CNNM3: variants seen among roughly 807,000 people sequenced by gnomAD.
CNNM3 encodes cyclin and CBS domain divalent metal cation transport mediator 3.
In CNNM3, 47 loss-of-function variants were observed where a neutral mutation model predicts 57.1. The ratio of observed to expected loss-of-function variants is 0.82; its 90% CI spans 0.65 to 1.05. CNNM3 has a LOEUF of 1.05. CNNM3 is among the 50% of genes least tolerant of loss of function. CNNM3 has a pLI of 0.00. For synonymous variants in CNNM3, 507 were observed against 478.2 expected (o/e 1.06, Z -0.79); for missense variants, 957 against 973.7 (o/e 0.98, Z 0.23).
intron 1 of CNNM3, among the ~76,000 whole-genome samples, chr2:96,822,653 C>A (rs898731954): frequency 6.6e-6 from 1 of 152,190 alleles, no homozygotes; most frequent in Non-Finnish European, 1.5e-5. Flanking sequence ...TTCCTGTCTG[C>A]TGGGAGCCAG....
chr2:96,825,671 G>A (rs1329459260), intron 2 of CNNM3, among the ~76,000 whole-genome samples: 1 of 150,946 alleles, frequency 6.6e-6, no homozygotes, highest in African/African-American at 2.5e-5. Flanking sequence ...GGGAGGCCCA[G>A]GCAGGCAGAT....
chr2:96,828,200 G>T lies in CNNM3; in HGVS notation c.1786+5G>T. ...CCCTAACTGTGCCATCCTCGGGTAA[G>T]CCACGGCCCTGCTGATGCTGAGGGC... On this transcript the variant is annotated splice_donor_5th_base_variant and intron_variant, in intron 5 of 7. Transcript: ENST00000305510. 1 of 1,612,400 alleles carries T rather than the reference G, an allele frequency of 6.2e-7. No homozygotes were observed. Among genetic ancestry groups the T allele is most frequent in the Non-Finnish European group, 8.5e-7 (1 of 1,178,580 alleles).
chr2:96,827,852 C>T lies in CNNM3; in HGVS notation c.1641C>T (p.Tyr547=). Residue 547 remains tyrosine (Y), a synonymous_variant, in exon 4 of 8, where the codon TAC becomes TAT. Coordinates refer to ENST00000305510, the MANE Select transcript of CNNM3 (RefSeq NM_017623.5). ...DESNRLATHH[Y]LYQRSQPVDY... ...GCAACCGGCTGGCCACACACCACTA[C>T]CTGTACCAGCGCAGCCAGCCGGTGG... 6.2e-7 allele frequency: 1 copy of T among 1,614,170 alleles called. No individual in the cohort carries two copies. Among genetic ancestry groups the T allele is most frequent in the Admixed American group, 1.7e-5 (1 of 60,024 alleles).
intron 7 of CNNM3, among the ~76,000 whole-genome samples, chr2:96,830,025 A>G (rs1025656650): frequency 3.3e-5 from 5 of 152,292 alleles, no homozygotes; most frequent in African/African-American, 1.2e-4. Context: ...AGGTTGTGGG[A>G]TATGGAACCC....
rs1371934829 is a variant in CNNM3 at position 96,832,966 on chromosome 2, T to C, written c.*350T>C. On this transcript the variant is annotated 3_prime_UTR_variant, in exon 8 of 8. Transcript: ENST00000305510. ...TATTCAGATTCAGACCTCTTTGGGC[T>C]GAGCCACCTTGTGAGTGCAGTTACT... is the stretch of plus-strand genomic sequence containing the variant. The C allele has an allele frequency of 5.9e-6, 8 of 1,359,680 alleles. No individual in the cohort carries two copies. In the South Asian group the frequency reaches 9.8e-5, roughly 17 times the overall value. The allele number at this position is 1,359,680 out of a possible 1,614,324, so 84.2% of individuals were successfully genotyped here.
chr2:96,824,455 ATCTGTCTG>A (rs142200401), intron 1 of CNNM3: 1 of 154,860 alleles, frequency 6.5e-6, no homozygotes, highest in African/African-American at 2.4e-5. Flanking sequence ...CACACAGTCT[ATCTGTCTG>A]TCTGTCTATC....
chr2:96,832,408 C>G, intron 7 of CNNM3, 144 bp from the exon 8 acceptor site: 1 of 1,516,440 alleles, frequency 6.6e-7, no homozygotes, highest in African/African-American at 1.4e-5. Flanking sequence ...CCAGTCGCTC[C>G]TGTTTCTGCT....
chr2:96,822,603 C>T (rs1183764455), intron 1 of CNNM3, among the ~76,000 whole-genome samples: 2 of 152,172 alleles, frequency 1.3e-5, no homozygotes, highest in African/African-American at 4.8e-5. Context: ...TCCCACTGTG[C>T]CTGGCCGCAG....
intron 7 of CNNM3, among the ~76,000 whole-genome samples, chr2:96,831,476 A>C (rs533651822): frequency 3.3e-5 from 5 of 152,230 alleles, no homozygotes; most frequent in Admixed American, 6.5e-5. Context: ...GGGGTTGGCA[A>C]ATAGTGGTGC....
Position 96,816,836 on chromosome 2 carries a change from G to A in CNNM3, c.559G>A (p.Ala187Thr). 9.6e-7 allele frequency: 1 copy of A among 1,041,304 alleles called. No individual in the cohort carries two copies. Among genetic ancestry groups the A allele is most frequent in the Non-Finnish European group, 1.1e-6 (1 of 869,722 alleles). 64.5% of individuals were successfully genotyped at this position (1,041,304 alleles called of 1,614,324 possible). ...ERAAARRLEP[A>T]RRWAGCALGA... Reference sequence around the variant, plus strand: ...TGCGGCGGCGCGGCGTTTGGAGCCCGCGCGGCGCTGGGCCGGCTGCGCCTT... The same window carrying A: ...TGCGGCGGCGCGGCGTTTGGAGCCCACGCGGCGCTGGGCCGGCTGCGCCTT... The change falls in exon 1 of 8, where the codon GCG becomes ACG. Residue 187 changes from alanine (A) to threonine (T), a missense_variant. Physicochemically the swap from Ala to Thr is moderately conservative, Grantham distance 58. Coordinates refer to ENST00000305510, the MANE Select transcript of CNNM3 (RefSeq NM_017623.5).
intron 1 of CNNM3, among the ~76,000 whole-genome samples, chr2:96,823,854 C>T (rs530286924): frequency 6.6e-6 from 1 of 152,164 alleles, no homozygotes; most frequent in Non-Finnish European, 1.5e-5. Context: ...AGGCCGGCAG[C>T]CCCCTCCACC....
At position 96,833,270 on chromosome 2, in the gene CNNM3, GC is replaced by G. The variant is rs2079636831; in HGVS notation, c.*656del. 1 of 332,998 alleles carries G rather than the reference GC, an allele frequency of 3.0e-6. No individual in the cohort carries two copies. Among genetic ancestry groups the G allele is most frequent in the Admixed American group, 4.1e-5 (1 of 24,358 alleles). The allele number at this position is 332,998 out of a possible 1,614,324, so 20.6% of individuals were successfully genotyped here. On this transcript the variant is annotated 3_prime_UTR_variant, in exon 8 of 8. Coordinates refer to ENST00000305510, the MANE Select transcript of CNNM3 (RefSeq NM_017623.5). ...GCTGCTCTTCTGATTCTGAGAGCTGGCCTAGTGGTGCTGAGGGCCCCTTTCT... is the reference window on the plus strand; with the variant it reads ...GCTGCTCTTCTGATTCTGAGAGCTGGCTAGTGGTGCTGAGGGCCCCTTTCT...
intron 2 of CNNM3, among the ~76,000 whole-genome samples, chr2:96,826,098 C>G (rs2079499517): frequency 6.6e-6 from 1 of 152,246 alleles, no homozygotes; most frequent in Admixed American, 6.5e-5. Flanking sequence ...GTTCTTGAGA[C>G]TGCCATAGGC....
intron 1 of CNNM3, among the ~76,000 whole-genome samples, chr2:96,820,006 C>T (rs2079382982): frequency 6.6e-6 from 1 of 152,182 alleles, no homozygotes; most frequent in South Asian, 2.1e-4. Flanking sequence ...GCAGGATGTC[C>T]CCTGGCGGGG....
chr2:96,829,480 T>C (rs2079566099), intron 7 of CNNM3, among the ~76,000 whole-genome samples: 1 of 151,744 alleles, frequency 6.6e-6, no homozygotes, highest in Non-Finnish European at 1.5e-5. Context: ...TTTGTATTTT[T>C]AGTAGAGATG....
In CNNM3 at chr2:96,816,422, G is replaced by C. The variant is rs1574095401; in HGVS notation, c.145G>C (p.Val49Leu). ...GGATGGAGCGGCGGGCGCGGGTTGG[G>C]TACGCGGAGGGGCGGCGCGGGACAC... Reference protein sequence around the residue: ...EEDGAAGAGWVRGGAARDTPD... With the variant: ...EEDGAAGAGWLRGGAARDTPD... The change falls in exon 1 of 8, where the codon GTA (valine) becomes CTA (leucine). Residue 49 changes from valine (V) to leucine (L), a missense_variant. Around this residue, in one of 2 missense-constraint regions of CNNM3, gnomAD observed 466 missense variants for 403.1 expected, o/e 1.16. Coordinates refer to ENST00000305510, the MANE Select transcript of CNNM3 (RefSeq NM_017623.5). The C allele has an allele frequency of 9.4e-6, 13 of 1,383,582 alleles. No homozygotes were observed. In the East Asian group the frequency reaches 3.7e-4, roughly 39 times the overall value. 85.7% of individuals were successfully genotyped at this position (1,383,582 alleles called of 1,614,324 possible).
chr2:96,819,290 A>G (rs553786453), intron 1 of CNNM3, among the ~76,000 whole-genome samples: 19 of 152,110 alleles, frequency 1.2e-4, no homozygotes, highest in Admixed American at 1.2e-3. Context: ...GGTGGCCAAC[A>G]TTGCAACCCT....
chr2:96,824,872 A>G lies in CNNM3; in HGVS notation c.1226-186A>G, dbSNP rs1027752874. Reference sequence around the variant, plus strand: ...CTTCATTTTCAACCTGTGTGAAAATAAGGCCAGTTCTCATAATCACGCTGG... The same window carrying G: ...CTTCATTTTCAACCTGTGTGAAAATGAGGCCAGTTCTCATAATCACGCTGG... On this transcript the variant is annotated intron_variant, in intron 1 of 7. Coordinates refer to ENST00000305510, the MANE Select transcript of CNNM3 (RefSeq NM_017623.5). The G allele has an allele frequency of 5.5e-5, 35 of 641,824 alleles. 1 individual carries two copies. The Admixed American group carries it at 1.0e-3, about 19-fold the overall frequency. 39.8% of individuals were successfully genotyped at this position (641,824 alleles called of 1,614,324 possible).
Position 96,833,186 on chromosome 2 carries a change from C to A in CNNM3, c.*570C>A. 2.4e-6 allele frequency: 1 copy of A among 413,818 alleles called. No homozygotes were observed. Among genetic ancestry groups the A allele is most frequent in the Non-Finnish European group, 4.5e-6 (1 of 223,532 alleles). The allele number at this position is 413,818 out of a possible 1,614,324, so 25.6% of individuals were successfully genotyped here. On this transcript the variant is annotated 3_prime_UTR_variant, in exon 8 of 8. Coordinates refer to ENST00000305510, the MANE Select transcript of CNNM3 (RefSeq NM_017623.5). ...CATGCGCCCCAGCCTTTCCCATGTG[C>A]CAAACCAGAAGCTCCACTGCCCGTA...
Sources: gnomAD v4.1 joint callset for allele counts (sites outside exome capture counted in the v4.1 genomes callset) on GRCh38, gnomAD v4.1.1 for gene constraint, gnomAD v4.1.1 regional missense constraint, MANE v1.5 for transcripts, NCBI Gene and HGNC (gene_info 2026-07-23, HGNC 2026-07-21) for gene names.